The following CTNNA1 variants were observed in gnomAD, a reference collection of about 807,000 sequenced individuals.
CTNNA1 encodes the protein catenin alpha-1.
A neutral mutation model predicts 98.4 loss-of-function variants in CTNNA1; 37 were observed. That is an observed-to-expected ratio of 0.38 (90% confidence interval 0.29 to 0.49). CTNNA1 has a LOEUF of 0.49. Among genes scored for constraint, CTNNA1 ranks in the 20% least tolerant of loss-of-function variants. The pLI is 0.95. For synonymous variants in CTNNA1, 404 were observed against 413.2 expected (o/e 0.98, Z 0.27); for missense variants, 761 against 1,147.2 (o/e 0.66, Z 4.86).
At chr5:138,885,612 C>T (rs1031659450) in intron 7 of CTNNA1, among the ~76,000 whole-genome samples, 1 of 152,142 alleles carries the variant, frequency 6.6e-6, no homozygotes, top group African/African-American at 2.4e-5. Context: ...CTAGCGGGTT[C>T]TTTTCTGTGC....
At chr5:138,816,407 G>A (rs1759437051) in intron 5 of CTNNA1, among the ~76,000 whole-genome samples, 2 of 152,158 alleles carry the variant, frequency 1.3e-5, no homozygotes, top group Admixed American at 6.5e-5. Flanking sequence ...GGGATTGCTG[G>A]ATCATATGAT....
intron 10 of CTNNA1, among the ~76,000 whole-genome samples, chr5:138,916,915 C>T (rs1374900439): frequency 2.0e-5 from 3 of 152,046 alleles, no homozygotes; most frequent in African/African-American, 4.8e-5. Flanking sequence ...GCTGGAATTA[C>T]AGGCGTGTGC....
intron 11 of CTNNA1, among the ~76,000 whole-genome samples, chr5:138,922,224 CTAACT>C (rs1323052144): frequency 6.6e-6 from 1 of 152,134 alleles, no homozygotes; most frequent in Non-Finnish European, 1.5e-5. Context: ...AACTCGTGAT[CTAACT>C]GCTAGACATT....
At chr5:138,852,861 G>A (rs889001348) in intron 7 of CTNNA1, among the ~76,000 whole-genome samples, 5 of 146,194 alleles carry the variant, frequency 3.4e-5, no homozygotes, top group East Asian at 4.2e-4. Flanking sequence ...CCCTCTTTTC[G>A]CGCGCGCGCG....
At chr5:138,861,439 C>T (rs1764270990) in intron 7 of CTNNA1, among the ~76,000 whole-genome samples, 1 of 152,164 alleles carries the variant, frequency 6.6e-6, no homozygotes, top group African/African-American at 2.4e-5. Context: ...AACATACTTT[C>T]AAATGAAAGG....
At chr5:138,776,047 T>TTC (rs1438826303) in intron 1 of CTNNA1, among the ~76,000 whole-genome samples, 1 of 144,002 alleles carries the variant, frequency 6.9e-6, no homozygotes, top group African/African-American at 2.5e-5. Flanking sequence ...TTCTTTTTTT[T>TTC]TTTTTTTTTT....
chr5:138,817,647 A>G (rs1185988391), intron 5 of CTNNA1, among the ~76,000 whole-genome samples: 1 of 151,866 alleles, frequency 6.6e-6, no homozygotes, highest in Non-Finnish European at 1.5e-5. Flanking sequence ...GGTAATTTCA[A>G]GCTACCTATC....
chr5:138,785,330 G>A (rs554698459), intron 3 of CTNNA1, among the ~76,000 whole-genome samples: 161 of 152,122 alleles, frequency 1.1e-3, no homozygotes, highest in African/African-American at 3.7e-3. Context: ...CAAAGTGCTG[G>A]GATTACAGGC....
chr5:138,785,781 AGTATAGTATT>A (rs1755633272), intron 3 of CTNNA1, among the ~76,000 whole-genome samples: 2 of 152,120 alleles, frequency 1.3e-5, no homozygotes, highest in African/African-American at 4.8e-5. Flanking sequence ...AGTATAGTAT[AGTATAGTATT>A]GCCTTGTTGG....
At chr5:138,795,419 C>T (rs530521777) in intron 3 of CTNNA1, among the ~76,000 whole-genome samples, 10 of 151,688 alleles carry the variant, frequency 6.6e-5, no homozygotes, top group Admixed American at 4.6e-4. Context: ...GATTGTGCCA[C>T]GGCACTCCAG....
intron 7 of CTNNA1, among the ~76,000 whole-genome samples, chr5:138,877,079 G>C (rs779412984): frequency 5.8e-4 from 89 of 152,184 alleles, no homozygotes; most frequent in Non-Finnish European, 1.1e-3. Flanking sequence ...AAATTCCCAA[G>C]CCAAAGTTGC....
intron 5 of CTNNA1, among the ~76,000 whole-genome samples, chr5:138,812,835 G>C (rs1015140057): frequency 1.3e-5 from 2 of 152,078 alleles, no homozygotes; most frequent in African/African-American, 4.8e-5. Context: ...TTTCACTGTT[G>C]GTGTGCTTTG....
intron 3 of CTNNA1, among the ~76,000 whole-genome samples, chr5:138,799,649 A>T (rs1322837799): frequency 2.0e-5 from 3 of 150,318 alleles, no homozygotes; most frequent in Non-Finnish European, 4.4e-5. Flanking sequence ...TGTAAGGATG[A>T]CCATTCAGAA....
intron 7 of CTNNA1, among the ~76,000 whole-genome samples, chr5:138,876,409 G>T (rs1751540641): frequency 6.6e-6 from 1 of 152,174 alleles, no homozygotes; most frequent in African/African-American, 2.4e-5. Context: ...CCTAACTCCA[G>T]TTTCTCCCTG....
At chr5:138,864,024 A>G (rs966085324) in intron 7 of CTNNA1, among the ~76,000 whole-genome samples, 1 of 152,088 alleles carries the variant, frequency 6.6e-6, no homozygotes, top group African/African-American at 2.4e-5. Flanking sequence ...GTGCAGTGGC[A>G]CGATCTTGGC....
intron 10 of CTNNA1, among the ~76,000 whole-genome samples, chr5:138,909,200 C>A (rs1037825113): frequency 6.6e-6 from 1 of 152,076 alleles, no homozygotes; most frequent in Non-Finnish European, 1.5e-5. Context: ...CAAGAATGAG[C>A]ATTACACATT....
chr5:138,884,539 G>A (rs1487622576), intron 7 of CTNNA1, among the ~76,000 whole-genome samples: 2 of 152,134 alleles, frequency 1.3e-5, no homozygotes, highest in Non-Finnish European at 2.9e-5. Flanking sequence ...ATACATTTTG[G>A]GGTAAAATAG....
chr5:138,927,919 G>A (rs184376952), intron 13 of CTNNA1, among the ~76,000 whole-genome samples: 2 of 152,264 alleles, frequency 1.3e-5, no homozygotes, highest in East Asian at 3.9e-4. Flanking sequence ...CTGGCATTGT[G>A]TTTTGTGCCA....
chr5:138,806,035 T>G (rs560431736), intron 3 of CTNNA1, among the ~76,000 whole-genome samples: 5 of 152,298 alleles, frequency 3.3e-5, no homozygotes, highest in African/African-American at 1.2e-4. Context: ...AGCTCTAACA[T>G]TTAGGTTTTG....
Sources: allele counts gnomAD v4.1 joint callset (sites outside exome capture counted in the v4.1 genomes callset), GRCh38; gene constraint gnomAD v4.1.1; transcripts MANE v1.5; gene names NCBI Gene and HGNC (gene_info 2026-07-23, HGNC 2026-07-21).